SCAPER: variants seen among roughly 807,000 people sequenced by gnomAD.
SCAPER encodes S-phase cyclin A associated protein in the ER, also known as S phase cyclin A-associated protein in the endoplasmic reticulum.
SCAPER carries 98 observed loss-of-function variants against 182.2 expected under a neutral mutation model. The observed-to-expected ratio is 0.54, with a 90% CI of 0.46 to 0.64. SCAPER has a LOEUF of 0.64. Among genes scored for constraint, SCAPER ranks in the 30% least tolerant of loss-of-function variants. The probability of loss-of-function intolerance (pLI) is 0.00; values close to 1 mark genes in which losing one functional copy is unlikely to be tolerated. For synonymous variants in SCAPER, 605 were observed against 564.6 expected, an observed-to-expected ratio of 1.07 and a Z score of -1.01; for missense variants, 1,432 against 1,690.0, an observed-to-expected ratio of 0.85 and a Z score of 2.68.
intron 22 of SCAPER, 65 bp downstream of exon 22, chr15:76,621,699 T>G: frequency 7.9e-7 from 1 of 1,268,296 alleles, no homozygotes; most frequent in Non-Finnish European, 1.1e-6. Flanking sequence ...AACATGATGG[T>G]TGAGATACAC....
intron 23 of SCAPER, among the ~76,000 whole-genome samples, chr15:76,559,491 T>C (rs1477573038): frequency 6.6e-6 from 1 of 152,170 alleles, no homozygotes; most frequent in Non-Finnish European, 1.5e-5. Flanking sequence ...TCCCCAGCCA[T>C]ATGGAACTGT....
rs577919541 is a variant in SCAPER, at chr15:76,690,777, G to A, written c.2508+10981C>T. On this transcript the variant is annotated intron_variant, in intron 20 of 31. Coordinates refer to ENST00000563290, the MANE Select transcript of SCAPER (RefSeq NM_020843.4). ...GAAACTGCTCCAGAACACAGATAAGGCTGGAAAGAGCCCTTATTTACTTAT... is the reference window on the plus strand; with the variant it reads ...GAAACTGCTCCAGAACACAGATAAGACTGGAAAGAGCCCTTATTTACTTAT... Among the ~76,000 whole-genome samples, 18 of 152,152 alleles carry A rather than the reference G, an allele frequency of 1.2e-4. 1 individual carries two copies. The South Asian group carries it at 1.9e-3, about 16-fold the overall frequency.
chr15:76,348,204 A>T lies in SCAPER; in HGVS notation c.*429T>A, dbSNP rs1030855359. On this transcript the variant is annotated 3_prime_UTR_variant, in exon 32 of 32. Transcript: ENST00000563290. ...GTTAAATTTAGAGCAGGTAAACTTT[A>T]ATTAAGTCTTTATTTAAGATACTTC... is the stretch of plus-strand genomic sequence containing the variant. The T allele has an allele frequency of 6.5e-6, 1 of 152,886 alleles. No individual in the cohort carries two copies. Among genetic ancestry groups the T allele is most frequent in the Non-Finnish European group, 1.5e-5 (1 of 68,510 alleles). The allele number at this position is 152,886 out of a possible 1,614,324, so 9.5% of individuals were successfully genotyped here. A position where few individuals can be genotyped will look rare whatever the true frequency, so the allele number is the denominator to read the frequency against.
chr15:76,580,252 T>G (rs541656167), intron 22 of SCAPER, among the ~76,000 whole-genome samples: 2 of 152,282 alleles, frequency 1.3e-5, no homozygotes, highest in South Asian at 2.1e-4. Flanking sequence ...ATCATTCTCA[T>G]GGACAGTCCA....
At chr15:76,862,668 CA>C (rs1308872204) in intron 2 of SCAPER, 135 bp from the exon 3 acceptor site, 23 of 505,566 alleles carry the variant, frequency 4.5e-5, no homozygotes, top group Non-Finnish European at 7.8e-5. Flanking sequence ...GGTGGTTAAA[CA>C]GAGAAAAGGA....
chr15:76,535,521 C>CAAAAA lies in SCAPER; in HGVS notation c.2839-30552_2839-30548dup, dbSNP rs56660301. Reference sequence around the variant, plus strand: ...TGGGCGACAGAGCAAGACTCTGTCTCAAAAAAAAAAAAAAAAAAAAAAAAA... The same window carrying CAAAAA: ...TGGGCGACAGAGCAAGACTCTGTCTCAAAAAAAAAAAAAAAAAAAAAAAAAAAAAA... On this transcript the variant is annotated intron_variant, in intron 23 of 31. Transcript: ENST00000563290. Among the ~76,000 whole-genome samples the CAAAAA allele has an allele frequency of 3.6e-4, 17 of 46,634 alleles. 1 individual carries two copies. The highest frequency in any genetic ancestry group is 8.6e-4 in the African/African-American group (13 of 15,160). The allele number at this position is 46,634 out of a possible 152,430, so 30.6% of individuals were successfully genotyped here. A position where few individuals can be genotyped will look rare whatever the true frequency, so the allele number is the denominator to read the frequency against.
chr15:76,467,121 G>T (rs976265929), intron 25 of SCAPER, among the ~76,000 whole-genome samples: 1 of 152,026 alleles, frequency 6.6e-6, no homozygotes, highest in African/African-American at 2.4e-5. Context: ...TTTGTCTTCT[G>T]CCATGATTGT....
At chr15:76,544,501 G>A (rs948842258) in intron 23 of SCAPER, among the ~76,000 whole-genome samples, 6 of 152,080 alleles carry the variant, frequency 3.9e-5, no homozygotes, top group Admixed American at 2.6e-4. Flanking sequence ...AACAGAATGC[G>A]GATACAAGCT....
At chr15:76,446,611 G>C (rs2048017486) in intron 25 of SCAPER, among the ~76,000 whole-genome samples, 1 of 152,126 alleles carries the variant, frequency 6.6e-6, no homozygotes, top group African/African-American at 2.4e-5. Context: ...AAACTTATAA[G>C]GACAGATGTG....
chr15:76,353,502 AAT>A (rs1434423562), intron 30 of SCAPER, among the ~76,000 whole-genome samples: 4 of 152,234 alleles, frequency 2.6e-5, no homozygotes, highest in African/African-American at 9.6e-5. Flanking sequence ...TAAAAAAATC[AAT>A]ATAACAGGTT....
intron 29 of SCAPER, among the ~76,000 whole-genome samples, chr15:76,363,727 CAGAG>C (rs994411635): frequency 6.6e-6 from 1 of 152,120 alleles, no homozygotes; most frequent in South Asian, 2.1e-4. Context: ...AAAAAGACAG[CAGAG>C]AGAGTTTGTA....
intron 8 of SCAPER, chr15:76,793,356 G>C: frequency 1.4e-6 from 1 of 690,070 alleles, no homozygotes; most frequent in Non-Finnish European, 2.7e-6. Context: ...CAAGTGGCTG[G>C]CAGCCCCTAG....
At position 76,637,722 on chromosome 15, in the gene SCAPER, T is replaced by TTATATA. The variant is rs369760680; in HGVS notation, c.2646-15899_2646-15894dup. Among the ~76,000 whole-genome samples the TTATATA allele has an allele frequency of 2.6e-3, 200 of 77,762 alleles. 3 individuals are homozygous for TTATATA. The highest frequency in any genetic ancestry group is 3.6e-3 in the South Asian group (8 of 2,250). The allele number at this position is 77,762 out of a possible 152,430, so 51.0% of individuals were successfully genotyped here. ...CCCTATCTCTACAATATATATGTGA[T>TTATATA]TATATATATATATATATATATGTGT... On this transcript the variant is annotated intron_variant, in intron 21 of 31. Transcript: ENST00000563290.
At chr15:76,396,313 T>C (rs2044048852) in intron 27 of SCAPER, among the ~76,000 whole-genome samples, 1 of 152,232 alleles carries the variant, frequency 6.6e-6, no homozygotes, top group South Asian at 2.1e-4. Flanking sequence ...CTGGGTCTTT[T>C]GTGATTCTAT....
intron 27 of SCAPER, among the ~76,000 whole-genome samples, chr15:76,389,158 C>T (rs923882906): frequency 6.6e-6 from 1 of 151,918 alleles, no homozygotes; most frequent in Non-Finnish European, 1.5e-5. Flanking sequence ...CAAGGTGGAA[C>T]GTATGTATGT....
intron 5 of SCAPER, among the ~76,000 whole-genome samples, chr15:76,840,039 A>G (rs1333623536): frequency 1.3e-5 from 2 of 152,142 alleles, no homozygotes; most frequent in African/African-American, 4.8e-5. Flanking sequence ...ATAACAGAAA[A>G]CTAAGTCCAG....
At chr15:76,742,749 AG>A (rs1396433799) in intron 15 of SCAPER, among the ~76,000 whole-genome samples, 1 of 151,964 alleles carries the variant, frequency 6.6e-6, no homozygotes, top group Non-Finnish European at 1.5e-5. Context: ...ATTTATCCCA[AG>A]GACTCATAAA....
intron 24 of SCAPER, among the ~76,000 whole-genome samples, chr15:76,477,023 C>CT (rs1463439159): frequency 6.6e-6 from 1 of 152,082 alleles, no homozygotes; most frequent in Non-Finnish European, 1.5e-5. Flanking sequence ...TGACAGGCTA[C>CT]TTGCGTATAT....
At chr15:76,617,748 A>G (rs965220094) in intron 22 of SCAPER, among the ~76,000 whole-genome samples, 2 of 152,180 alleles carry the variant, frequency 1.3e-5, no homozygotes, top group South Asian at 4.1e-4. Context: ...TCACTTCTAC[A>G]GCTTTCAATG....
Sources: gnomAD v4.1 joint callset for allele counts (sites outside exome capture counted in the v4.1 genomes callset) on GRCh38, gnomAD v4.1.1 for gene constraint, MANE v1.5 for transcripts, NCBI Gene and HGNC (gene_info 2026-07-23, HGNC 2026-07-21) for gene names.